The following KAZN variants were observed in gnomAD, a reference collection of about 807,000 sequenced individuals.
The protein encoded by KAZN is kazrin, periplakin interacting protein.
Under a neutral mutation model 87.4 loss-of-function variants are expected in KAZN, and 40 were observed. That is an observed-to-expected ratio of 0.46 (90% CI 0.36 to 0.60). KAZN has a LOEUF of 0.60. KAZN is among the 20% of genes least tolerant of loss of function. KAZN has a pLI of 0.00. For synonymous variants in KAZN, 466 were observed against 458.3 expected (o/e 1.02, Z -0.22); for missense variants, 898 against 1,073.9 (o/e 0.84, Z 2.29).
intron 1 of KAZN, among the ~76,000 whole-genome samples, chr1:14,742,394 A>G (rs1355885850): frequency 6.6e-6 from 1 of 152,230 alleles, no homozygotes; most frequent in Non-Finnish European, 1.5e-5. Flanking sequence ...TTATTCATTC[A>G]TTGAGCAACT....
intron 1 of KAZN, among the ~76,000 whole-genome samples, chr1:14,871,548 G>C (rs1652130507): frequency 6.6e-6 from 1 of 151,742 alleles, no homozygotes; most frequent in Non-Finnish European, 1.5e-5. Context: ...TGCAACAGGG[G>C]AGGCGTAAGG....
At chr1:14,358,674 G>C (rs1395261848) in intron 2 of KAZN, among the ~76,000 whole-genome samples, 1 of 152,020 alleles carries the variant, frequency 6.6e-6, no homozygotes. Context: ...CCTTAATTTT[G>C]TTATTTACCC....
intron 2 of KAZN, among the ~76,000 whole-genome samples, chr1:14,587,404 C>T (rs1360833669): frequency 6.6e-6 from 1 of 150,416 alleles, no homozygotes; most frequent in Non-Finnish European, 1.5e-5. Flanking sequence ...CCACTGCACT[C>T]CAGCCTGGGT....
At chr1:14,480,652 A>C (rs1157401778) in intron 2 of KAZN, among the ~76,000 whole-genome samples, 1 of 143,964 alleles carries the variant, frequency 6.9e-6, no homozygotes, top group African/African-American at 2.5e-5. Context: ...TATAATATAT[A>C]ATATTTATTT....
intron 8 of KAZN, among the ~76,000 whole-genome samples, chr1:15,090,073 G>A (rs1164020776): frequency 1.3e-5 from 2 of 152,102 alleles, no homozygotes; most frequent in East Asian, 1.9e-4. Flanking sequence ...CCATAGCTTC[G>A]CATTCAGAGT....
chr1:14,882,896 G>C (rs75057229), intron 1 of KAZN, among the ~76,000 whole-genome samples: 3,625 of 152,204 alleles, frequency 0.024, 83 homozygotes, highest in Non-Finnish European at 0.035. Flanking sequence ...GTGTGGAAAG[G>C]TGAAGAGATT....
intron 1 of KAZN, among the ~76,000 whole-genome samples, chr1:14,934,775 C>T (rs899077095): frequency 6.6e-6 from 1 of 152,218 alleles, no homozygotes; most frequent in Non-Finnish European, 1.5e-5. Context: ...CAGTATCCAT[C>T]TAAATACTCA....
intron 1 of KAZN, among the ~76,000 whole-genome samples, chr1:13,912,663 G>A (rs34898296): frequency 0.2 from 30,464 of 152,014 alleles, 3,425 homozygotes; most frequent in Non-Finnish European, 0.26. Context: ...GAATGCAGTG[G>A]CACAATCTTG....
At chr1:14,094,669 C>A (rs551512258) in intron 1 of KAZN, among the ~76,000 whole-genome samples, 24 of 152,226 alleles carry the variant, frequency 1.6e-4, no homozygotes, top group Non-Finnish European at 2.8e-4. Context: ...CCCACAAAAT[C>A]TATATATTTC....
At chr1:14,544,093 C>A (rs989991503) in intron 2 of KAZN, among the ~76,000 whole-genome samples, 6 of 152,082 alleles carry the variant, frequency 3.9e-5, no homozygotes, top group East Asian at 1.9e-4. Flanking sequence ...GAAGGGAGTG[C>A]AAAACCTTTC....
chr1:14,747,172 C>T (rs1644283936), intron 1 of KAZN, among the ~76,000 whole-genome samples: 1 of 152,084 alleles, frequency 6.6e-6, no homozygotes, highest in Non-Finnish European at 1.5e-5. Context: ...CCTTTCTTTC[C>T]TTTTGAAGAC....
At chr1:14,019,218 C>A (rs1391791744) in intron 1 of KAZN, among the ~76,000 whole-genome samples, 1 of 152,122 alleles carries the variant, frequency 6.6e-6, no homozygotes, top group Non-Finnish European at 1.5e-5. Flanking sequence ...ACCATATACC[C>A]CAGATATTTT....
intron 2 of KAZN, among the ~76,000 whole-genome samples, chr1:14,459,595 C>T (rs575156540): frequency 8.5e-5 from 13 of 152,224 alleles, no homozygotes; most frequent in African/African-American, 3.1e-4. Flanking sequence ...GGAAAGCATG[C>T]CACAACCAAT....
chr1:14,754,142 G>A (rs1644489218), intron 1 of KAZN, among the ~76,000 whole-genome samples: 2 of 152,240 alleles, frequency 1.3e-5, no homozygotes, highest in South Asian at 4.1e-4. Flanking sequence ...GAGACCCCCT[G>A]ATCTGAGTGC....
chr1:14,185,302 A>C (rs1292693774), intron 2 of KAZN, among the ~76,000 whole-genome samples: 2 of 152,200 alleles, frequency 1.3e-5, no homozygotes, highest in Non-Finnish European at 2.9e-5. Context: ...TCATCCTAAG[A>C]AAGTTACCCT....
At chr1:14,547,303 A>G (rs569353164) in intron 2 of KAZN, among the ~76,000 whole-genome samples, 1 of 152,342 alleles carries the variant, frequency 6.6e-6, no homozygotes, top group South Asian at 2.1e-4. Flanking sequence ...GCTAACTTAT[A>G]AAACTAGTAA....
At chr1:14,685,551 C>T (rs1257942879) in intron 1 of KAZN, among the ~76,000 whole-genome samples, 4 of 152,202 alleles carry the variant, frequency 2.6e-5, no homozygotes, top group Non-Finnish European at 5.9e-5. Flanking sequence ...TGGCGGCATT[C>T]GGCTCAGCAC....
chr1:14,299,989 T>TG (rs1206006958), intron 2 of KAZN, among the ~76,000 whole-genome samples: 1 of 151,712 alleles, frequency 6.6e-6, no homozygotes, highest in Non-Finnish European at 1.5e-5. Context: ...AGGCCTTTTG[T>TG]GGGGGTAGGA....
chr1:15,090,619 A>G (rs1557791045), intron 8 of KAZN, among the ~76,000 whole-genome samples: 2 of 152,214 alleles, frequency 1.3e-5, no homozygotes, highest in African/African-American at 2.4e-5. Flanking sequence ...ACAGGAGGCC[A>G]CTCAGACGGG....
Sources: gnomAD v4.1 joint callset for allele counts (sites outside exome capture counted in the v4.1 genomes callset) on GRCh38, gnomAD v4.1.1 for gene constraint, MANE v1.5 for transcripts, NCBI Gene and HGNC (gene_info 2026-07-23, HGNC 2026-07-21) for gene names.